The following TMEM266 variants were observed in gnomAD, a reference collection of about 807,000 sequenced individuals.
TMEM266 encodes transmembrane protein 266.
Under a neutral mutation model 50.5 loss-of-function variants are expected in TMEM266, and 33 were observed. The observed-to-expected ratio is 0.65, with a 90% CI of 0.50 to 0.87. The LOEUF is 0.87. TMEM266 is among the 40% of genes least tolerant of loss of function. TMEM266 has a pLI of 0.00. For synonymous variants in TMEM266, 310 were observed against 292.3 expected (o/e 1.06, Z -0.62); for missense variants, 655 against 695.1 (o/e 0.94, Z 0.65).
At chr15:76,185,358 T>C (rs1596162588) in intron 8 of TMEM266, among the ~76,000 whole-genome samples, 1 of 152,170 alleles carries the variant, frequency 6.6e-6, no homozygotes, top group African/African-American at 2.4e-5. Context: ...AGTTTTGATG[T>C]TTTTCTATAG....
rs561131791 is a variant in TMEM266 at position 76,204,614 on chromosome 15, G to C, written c.*299G>C. ...GCCCAGCTTCAGCAGGGTAGAGTGT[G>C]GGGGGGCCAGCTCAGCCTCTTGCGT... On this transcript the variant is annotated 3_prime_UTR_variant, in exon 11 of 11. Transcript: ENST00000388942. The C allele has an allele frequency of 8.2e-6, 2 of 243,660 alleles. No homozygotes were observed. The highest frequency in any genetic ancestry group is 9.6e-5 in the South Asian group (1 of 10,394). 15.1% of individuals were successfully genotyped at this position (243,660 alleles called of 1,614,324 possible).
At chr15:76,102,668 A>G (rs1016392721) in intron 1 of TMEM266, among the ~76,000 whole-genome samples, 7 of 151,952 alleles carry the variant, frequency 4.6e-5, no homozygotes, top group African/African-American at 1.7e-4. Context: ...ACAAAACTCT[A>G]TCTCTACTAA....
At chr15:76,199,464 T>C (rs910985091) in intron 9 of TMEM266, among the ~76,000 whole-genome samples, 2 of 152,252 alleles carry the variant, frequency 1.3e-5, no homozygotes, top group South Asian at 4.1e-4. Context: ...CCCAGGGTGA[T>C]GAGCCCTCCT....
chr15:76,096,117 G>C (rs1336188532), intron 1 of TMEM266, among the ~76,000 whole-genome samples: 1 of 151,924 alleles, frequency 6.6e-6, no homozygotes, highest in Non-Finnish European at 1.5e-5. Flanking sequence ...ATCTCCTTCA[G>C]TTCTGCTCTA....
chr15:76,098,969 G>C (rs986458303), intron 1 of TMEM266, among the ~76,000 whole-genome samples: 1 of 152,170 alleles, frequency 6.6e-6, no homozygotes, highest in Non-Finnish European at 1.5e-5. Context: ...GACAGCTGCT[G>C]TGCTGGCAGT....
chr15:76,171,219 C>T (rs2038183576), intron 7 of TMEM266, 88 bp downstream of exon 7: 2 of 1,529,022 alleles, frequency 1.3e-6, no homozygotes, highest in Non-Finnish European at 1.8e-6. Flanking sequence ...GATGGGGGTA[C>T]ACCCTGCTGG....
chr15:76,194,121 G>A (rs1428937055), intron 9 of TMEM266, among the ~76,000 whole-genome samples: 3 of 152,156 alleles, frequency 2.0e-5, no homozygotes, highest in East Asian at 3.9e-4. Flanking sequence ...AGCCTCACGT[G>A]CTCCCCACAC....
chr15:76,103,482 C>A (rs1322767867), intron 1 of TMEM266, among the ~76,000 whole-genome samples: 1 of 151,808 alleles, frequency 6.6e-6, no homozygotes, highest in Non-Finnish European at 1.5e-5. Context: ...GTTTTTTGGC[C>A]TGAGCAACTG....
chr15:76,061,117 C>A (rs2955775), intron 1 of TMEM266, among the ~76,000 whole-genome samples: 2,583 of 152,138 alleles, frequency 0.017, 78 homozygotes, highest in African/African-American at 0.058. Flanking sequence ...CCAAATACCT[C>A]CACCCTAAAA....
At chr15:76,192,894 C>G (rs934494553) in intron 9 of TMEM266, among the ~76,000 whole-genome samples, 2 of 152,210 alleles carry the variant, frequency 1.3e-5, no homozygotes, top group East Asian at 3.9e-4. Flanking sequence ...ACGGGGCCAC[C>G]CAAGCCAGGA....
intron 1 of TMEM266, chr15:76,113,932 G>A (rs2037211564): frequency 6.6e-6 from 1 of 152,128 alleles, no homozygotes. Context: ...AAAAGAAAAG[G>A]ATGTGCCTGA....
chr15:76,152,101 A>C (rs1175148857), intron 3 of TMEM266, among the ~76,000 whole-genome samples: 1 of 152,102 alleles, frequency 6.6e-6, no homozygotes, highest in Non-Finnish European at 1.5e-5. Context: ...TCCCTGCTCC[A>C]AGGCAGCCAG....
In TMEM266 at chr15:76,170,988, C is replaced by T. The variant is rs1173556428; in HGVS notation, c.514-5C>T. 1 of 1,610,926 alleles carries T rather than the reference C, an allele frequency of 6.2e-7. No individual in the cohort carries two copies. The highest frequency in any genetic ancestry group is 8.5e-7 in the Non-Finnish European group (1 of 1,178,882). On this transcript the variant is annotated splice_polypyrimidine_tract_variant and splice_region_variant and intron_variant, in intron 6 of 10. Coordinates refer to ENST00000388942, the MANE Select transcript of TMEM266 (RefSeq NM_152335.3). Reference sequence around the variant, plus strand: ...CAGGGCACTGAAATGGGCCTCCTCTCACAGGTGTTTGACGGGGCTGTGATC... The same window carrying T: ...CAGGGCACTGAAATGGGCCTCCTCTTACAGGTGTTTGACGGGGCTGTGATC...
At chr15:76,119,271 C>G (rs182416936) in intron 1 of TMEM266, among the ~76,000 whole-genome samples, 1 of 151,640 alleles carries the variant, frequency 6.6e-6, no homozygotes, top group African/African-American at 2.4e-5. Context: ...ATATTTGTAC[C>G]CACTCTACTT....
At position 76,203,816 on chromosome 15, in the gene TMEM266, C is replaced by G; in HGVS notation, c.1097C>G (p.Ser366Trp). The G allele has an allele frequency of 1.9e-6, 3 of 1,614,212 alleles. No homozygotes were observed. The highest frequency in any genetic ancestry group is 2.5e-6 in the Non-Finnish European group (3 of 1,180,034). Residue 366 changes from serine (S) to tryptophan (W), a missense_variant, in exon 11 of 11, where the codon TCG (serine) becomes TGG (tryptophan). Ser to Trp is a radical substitution (Grantham distance 177). Coordinates refer to ENST00000388942, the MANE Select transcript of TMEM266 (RefSeq NM_152335.3). ...GACATTCACCAGCCCAACATCTCCT[C>G]GGACCTCTTCTCTCTGGACATGCCC...
At chr15:76,126,300 C>T (rs1427780589) in intron 1 of TMEM266, among the ~76,000 whole-genome samples, 1 of 149,740 alleles carries the variant, frequency 6.7e-6, no homozygotes, top group Non-Finnish European at 1.5e-5. Flanking sequence ...TCACAATGTC[C>T]AAGATTTGGA....
intron 1 of TMEM266, among the ~76,000 whole-genome samples, chr15:76,064,761 G>A (rs372870108): frequency 6.6e-6 from 1 of 152,220 alleles, no homozygotes; most frequent in East Asian, 1.9e-4. Context: ...ATTTTAATAA[G>A]TATTTTTGCC....
chr15:76,107,208 C>G (rs2037096091), intron 1 of TMEM266, among the ~76,000 whole-genome samples: 1 of 152,142 alleles, frequency 6.6e-6, no homozygotes, highest in Non-Finnish European at 1.5e-5. Context: ...AACATGTAAT[C>G]AATAGAAAAT....
In TMEM266 at chr15:76,144,766, T is replaced by C. The variant is rs537901216; in HGVS notation, c.227+6871T>C. On this transcript the variant is annotated intron_variant, in intron 3 of 10. Transcript: ENST00000388942. ...CCTCAATAGTCATCACACAAAAACC[T>C]TCATGCGTGTCCACAGACGTGAACA... Among the ~76,000 whole-genome samples the C allele has an allele frequency of 5.5e-4, 83 of 152,130 alleles. 2 individuals carry two copies. Among genetic ancestry groups the C allele is most frequent in the South Asian group, 3.7e-3 (18 of 4,818 alleles).
Sources: gnomAD v4.1 joint callset for allele counts (sites outside exome capture counted in the v4.1 genomes callset) on GRCh38, gnomAD v4.1.1 for gene constraint, MANE v1.5 for transcripts, NCBI Gene and HGNC (gene_info 2026-07-23, HGNC 2026-07-21) for gene names.